Variants in EFCAB8 observed in about 807,000 individuals in gnomAD.
The protein encoded by EFCAB8 is EF-hand calcium binding domain 8, also known as EF-hand calcium-binding domain-containing protein 8.
A neutral mutation model predicts 116.3 loss-of-function variants in EFCAB8; 100 were observed. That is an observed-to-expected ratio of 0.86 (90% CI 0.73 to 1.02). The LOEUF (loss-of-function observed/expected upper bound fraction) is 1.02, where lower values mean the gene tolerates loss of function less well. EFCAB8 is among the 50% of genes least tolerant of loss of function. The probability of loss-of-function intolerance (pLI) is 0.00; values close to 1 mark genes in which losing one functional copy is unlikely to be tolerated. For missense variants in EFCAB8, 1,320 were observed against 1,416.9 expected, an observed-to-expected ratio of 0.93 and a Z score of 1.10; for synonymous variants, 558 against 567.9, an observed-to-expected ratio of 0.98 and a Z score of 0.25.
intron 2 of EFCAB8, among the ~76,000 whole-genome samples, chr20:32,864,644 G>A (rs1484867163): frequency 6.6e-6 from 1 of 152,124 alleles, no homozygotes; most frequent in South Asian, 2.1e-4. Context: ...CCTGATGTAC[G>A]GTCTGTACGT....
At chr20:32,914,751 A>C (rs6057671) in intron 17 of EFCAB8, among the ~76,000 whole-genome samples, 99,291 of 152,014 alleles carry the variant, frequency 0.65, 33,056 homozygotes, top group Middle Eastern at 0.73. Flanking sequence ...CTCACCTCCT[A>C]CCAGGTCCCT....
intron 10 of EFCAB8, 102 bp downstream of exon 10, chr20:32,896,629 T>A (rs1342117955): frequency 1.5e-6 from 1 of 672,130 alleles, no homozygotes; most frequent in African/African-American, 1.8e-5. Flanking sequence ...GGGTTCAGTC[T>A]TAGCCCTTGG....
At chr20:32,862,985 A>G (rs1984191848) in intron 1 of EFCAB8, among the ~76,000 whole-genome samples, 1 of 149,872 alleles carries the variant, frequency 6.7e-6, no homozygotes, top group South Asian at 2.1e-4. Context: ...CTGGCCAGGT[A>G]TTCAAGATTC....
rs1568929623 is a variant in EFCAB8 at position 32,918,517 on chromosome 20, TC to T, written c.2222del (p.Pro741GlnfsTer2). On this transcript the variant is annotated frameshift_variant, in exon 19 of 27. Transcript: ENST00000400522. LOFTEE classifies it high-confidence loss of function. ...TNLRRSLVSA[P>X]PVMRCPRDKE... ...ACCTGAGGCGGAGCCTGGTGTCGGC[TC>T]CCCCAGTGATGCGGTGCCCGAGAGA... is the stretch of plus-strand genomic sequence containing the variant. 5.8e-6 allele frequency: 9 copies of T among 1,551,226 alleles called. No individual in the cohort carries two copies. Among genetic ancestry groups the T allele is most frequent in the Non-Finnish European group, 7.8e-6 (9 of 1,146,926 alleles).
In EFCAB8 at chr20:32,939,125, C is replaced by CCCTTTCTTTCTTTCTTTCTTTCTTTCTT. The variant is rs779654750; in HGVS notation, c.2791-4511_2791-4510insCCTTTCTTTCTTTCTTTCTTTCTTTCTT. Among the ~76,000 whole-genome samples the CCCTTTCTTTCTTTCTTTCTTTCTTTCTT allele has an allele frequency of 3.9e-4, 22 of 56,558 alleles. 2 individuals carry two copies. The highest frequency in any genetic ancestry group is 6.5e-4 in the South Asian group (1 of 1,532). 37.1% of individuals were successfully genotyped at this position (56,558 alleles called of 152,430 possible). ...CCTTCCTTTCTTTCTCTCTTTCTTT[C>CCCTTTCTTTCTTTCTTTCTTTCTTTCTT]TCTTTCTTTCTTTCTTTCTTTCTTT... On this transcript the variant is annotated intron_variant, in intron 22 of 26. Coordinates refer to ENST00000400522, the MANE Select transcript of EFCAB8 (RefSeq NM_001143967.2).
At chr20:32,940,974 C>T (rs183920995) in intron 22 of EFCAB8, among the ~76,000 whole-genome samples, 1 of 149,584 alleles carries the variant, frequency 6.7e-6, no homozygotes, top group East Asian at 2.0e-4. Flanking sequence ...AGAAAGCTGG[C>T]CAGGTACGGT....
Position 32,952,097 on chromosome 20 carries a change from C to CA in EFCAB8, c.2960-6315dup, listed in dbSNP as rs200154212. ...CAACATAGTGAGACTCTTGTTTCTA[C>CA]AAAAAAAAATATTAAAAATTAGCCA... On this transcript the variant is annotated intron_variant, in intron 23 of 26. Coordinates refer to ENST00000400522, the MANE Select transcript of EFCAB8 (RefSeq NM_001143967.2). 2.0e-3 allele frequency among the ~76,000 whole-genome samples: 302 copies of CA among 150,172 alleles called. 2 individuals are homozygous for CA. Among genetic ancestry groups the CA allele is most frequent in the Middle Eastern group, 6.8e-3 (2 of 294 alleles).
intron 22 of EFCAB8, among the ~76,000 whole-genome samples, chr20:32,939,163 CTTTCTTTCT>C (rs1988275492): frequency 1.1e-5 from 1 of 88,140 alleles, no homozygotes; most frequent in Non-Finnish European, 2.4e-5. Flanking sequence ...TTCTTTCTTT[CTTTCTTTCT>C]TTCTTTCTTT....
At position 32,959,902 on chromosome 20, in the gene EFCAB8, C is replaced by A; in HGVS notation, c.3214C>A (p.Leu1072Met). ...TTGGGCCAAGCTGCAGAAGATGGCC[C>A]TGATGTCCCCGTGGGCCGGAGAGCG... Reference protein sequence around the residue: ...DTWAKLQKMALMSPWAGERPL... With the variant: ...DTWAKLQKMAMMSPWAGERPL... Residue 1072 changes from leucine (L) to methionine (M), a missense_variant, in exon 25 of 27, where the codon CTG (leucine) becomes ATG (methionine). Leu to Met is a conservative substitution (Grantham distance 15). Transcript: ENST00000400522. 2 of 1,551,692 alleles carry A rather than the reference C, an allele frequency of 1.3e-6. No homozygotes were observed. The highest frequency in any genetic ancestry group is 1.7e-6 in the Non-Finnish European group (2 of 1,146,990).
intron 23 of EFCAB8, among the ~76,000 whole-genome samples, 170 bp downstream of exon 23, chr20:32,943,974 G>C (rs371768620): frequency 1.3e-5 from 2 of 151,968 alleles, no homozygotes; most frequent in Non-Finnish European, 2.9e-5. Context: ...TTCAGCAAAC[G>C]GTCCATCCAT....
chr20:32,961,212 G>A lies in EFCAB8; in HGVS notation c.3470G>A (p.Arg1157Lys). ...CAGCAGCCTGACTTCCTGACCAGCA[G>A]GGGCCCAGACCAGCAAGACCAGCAC... is the stretch of plus-strand genomic sequence containing the variant. ...PTQQPDFLTS[R>K]GPDQQDQHIR... is the part of the protein sequence containing the mutation. Residue 1157 changes from arginine to lysine, a missense_variant, in exon 27 of 27, where the codon AGG (arginine) becomes AAG (lysine). Arg to Lys is a conservative substitution (Grantham distance 26). Coordinates refer to ENST00000400522, the MANE Select transcript of EFCAB8 (RefSeq NM_001143967.2). 1 of 1,552,074 alleles carries A rather than the reference G, an allele frequency of 6.4e-7. No individual in the cohort carries two copies. Among genetic ancestry groups the A allele is most frequent in the South Asian group, 1.2e-5 (1 of 84,062 alleles).
chr20:32,908,469 T>TTGG, intron 14 of EFCAB8, 57 bp downstream of exon 14: 5 of 1,248,592 alleles, frequency 4.0e-6, no homozygotes, highest in Admixed American at 4.2e-5. Context: ...GGCCAGGGTC[T>TTGG]GAATCCCATG....
chr20:32,931,287 A>G lies in EFCAB8; in HGVS notation c.2741A>G (p.Gln914Arg). 6.4e-6 allele frequency: 10 copies of G among 1,551,564 alleles called. No homozygotes were observed. The highest frequency in any genetic ancestry group is 8.7e-6 in the Non-Finnish European group (10 of 1,146,866). ...AHNKFRLLIP[Q>R]QLGTNFPHYI... ...AACAAGTTCCGGTTGTTAATTCCTC[A>G]GCAACTTGGGACCAACTTCCCACAC... The change falls in exon 22 of 27, where the codon CAG (glutamine) becomes CGG (arginine). Residue 914 changes from glutamine to arginine, a missense_variant. By Grantham distance (43) the Gln-to-Arg change is conservative. Transcript: ENST00000400522.
intron 15 of EFCAB8, 76 bp downstream of exon 15, chr20:32,910,007 T>A: frequency 1.4e-6 from 1 of 698,356 alleles, no homozygotes; most frequent in Non-Finnish European, 2.0e-6. Context: ...CCTCCCTGTG[T>A]GCCTGGGTCT....
At chr20:32,937,160 A>G (rs1988152979) in intron 22 of EFCAB8, among the ~76,000 whole-genome samples, 1 of 152,010 alleles carries the variant, frequency 6.6e-6, no homozygotes, top group Non-Finnish European at 1.5e-5. Context: ...TTGTATTTTT[A>G]GTAGAGACAG....
intron 1 of EFCAB8, among the ~76,000 whole-genome samples, chr20:32,860,217 A>G (rs1358828896): frequency 6.6e-6 from 1 of 152,160 alleles, no homozygotes; most frequent in East Asian, 1.9e-4. Context: ...CTGAGGCATG[A>G]GAATCATCAG....
intron 23 of EFCAB8, among the ~76,000 whole-genome samples, chr20:32,956,631 A>T (rs1988971944): frequency 6.6e-6 from 1 of 151,914 alleles, no homozygotes; most frequent in African/African-American, 2.4e-5. Context: ...TGGTGTTGAT[A>T]TTTTCTGTTG....
chr20:32,911,443 G>T, intron 15 of EFCAB8, 37 bp from the exon 16 acceptor site: 1 of 1,441,070 alleles, frequency 6.9e-7, no homozygotes, highest in East Asian at 2.6e-5. Context: ...GGAGGCCCCG[G>T]CCTCTCCAGC....
intron 6 of EFCAB8, among the ~76,000 whole-genome samples, 168 bp from the exon 7 acceptor site, chr20:32,889,133 G>A (rs1949462117): frequency 6.6e-6 from 1 of 152,118 alleles, no homozygotes; most frequent in Admixed American, 6.5e-5. Flanking sequence ...GACCCAGGGA[G>A]GCTAGGGAGT....
Sources: allele counts gnomAD v4.1 joint callset (sites outside exome capture counted in the v4.1 genomes callset), GRCh38; gene constraint gnomAD v4.1.1; transcripts MANE v1.5; gene names NCBI Gene and HGNC (gene_info 2026-07-23, HGNC 2026-07-21).